Variants in SETD2 observed in about 807,000 individuals in gnomAD.
The protein encoded by SETD2 is SET domain containing 2, histone lysine methyltransferase, also known as histone-lysine N-methyltransferase SETD2.
A neutral mutation model predicts 242.1 loss-of-function variants in SETD2; 31 were observed. The ratio of observed to expected loss-of-function variants is 0.13; its 90% CI spans 0.10 to 0.17. The LOEUF (loss-of-function observed/expected upper bound fraction) is 0.17, where lower values mean the gene tolerates loss of function less well. Among genes scored for constraint, SETD2 ranks in the 10% least tolerant of loss-of-function variants. The pLI is 1.00. For synonymous variants in SETD2, 1,006 were observed against 1,066.5 expected, an observed-to-expected ratio of 0.94 and a Z score of 1.11; for missense variants, 2,481 against 3,046.3, an observed-to-expected ratio of 0.81 and a Z score of 4.37.
At chr3:47,116,869 G>T in intron 3 of SETD2, 115 bp from the exon 4 acceptor site, 2 of 734,950 alleles carry the variant, frequency 2.7e-6, no homozygotes, top group East Asian at 3.0e-5. Context: ...TTTTAAACAG[G>T]GTCTTGTTCT....
intron 12 of SETD2, among the ~76,000 whole-genome samples, chr3:47,072,878 C>T (rs1246473594): frequency 1.4e-5 from 2 of 147,706 alleles, no homozygotes; most frequent in African/African-American, 5.0e-5. Flanking sequence ...CCCTGGGAGG[C>T]GGAGCTTGCA....
chr3:47,094,255 A>G (rs1293168939), intron 9 of SETD2, among the ~76,000 whole-genome samples: 1 of 152,230 alleles, frequency 6.6e-6, no homozygotes, highest in East Asian at 1.9e-4. Flanking sequence ...TCAAGTAAGT[A>G]AGTACTTAAG....
At chr3:47,124,942 T>C (rs2106733484) in intron 2 of SETD2, among the ~76,000 whole-genome samples, 1 of 152,306 alleles carries the variant, frequency 6.6e-6, no homozygotes, top group Non-Finnish European at 1.5e-5. Context: ...CAATATGGTT[T>C]GTTCTTGTGT....
At position 47,083,786 on chromosome 3, in the gene SETD2, C is replaced by T. The variant is rs950433324; in HGVS notation, c.5994G>A (p.Gln1998=). The T allele has an allele frequency of 1.9e-6, 3 of 1,614,014 alleles. No homozygotes were observed. The highest frequency in any genetic ancestry group is 2.7e-5 in the African/African-American group (2 of 74,930). The change falls in exon 12 of 21, where the codon CAG becomes CAA. Residue 1998 remains glutamine, a synonymous_variant. Coordinates refer to ENST00000409792, the MANE Select transcript of SETD2 (RefSeq NM_014159.7). ...CACTTATATCCACTGTTTTATCTGG[C>T]TGTTCTTGGCTCCTTTCACTCTCCA... is the stretch of plus-strand genomic sequence containing the variant. ...SDVESERSQE[Q]PDKTVDISDL...
At chr3:47,130,495 G>A (rs2043452186) in intron 1 of SETD2, among the ~76,000 whole-genome samples, 1 of 152,178 alleles carries the variant, frequency 6.6e-6, no homozygotes, top group Non-Finnish European at 1.5e-5. Flanking sequence ...CCTTTTTGAA[G>A]AAATTAATAC....
Position 47,122,790 on chromosome 3 carries a change from C to A in SETD2, c.1846G>T (p.Ala616Ser), listed in dbSNP as rs747391146. The change falls in exon 3 of 21, where the codon GCT becomes TCT. Residue 616 changes from alanine to serine, a missense_variant. Physicochemically the swap from Ala to Ser is moderately conservative, Grantham distance 99. Transcript: ENST00000409792. ...GAATCATTTAATCGATTTGATGGAG[C>A]TGGAGACCCAGCCTTTTCTCTTTCA... ...NPEREKAGSP[A>S]PSNRLNDSPT... is the part of the protein sequence containing the mutation. The A allele has an allele frequency of 1.2e-6, 2 of 1,612,812 alleles. No homozygotes were observed. The highest frequency in any genetic ancestry group is 1.7e-6 in the Non-Finnish European group (2 of 1,179,708).
intron 18 of SETD2, among the ~76,000 whole-genome samples, chr3:47,025,842 C>A (rs954004650): frequency 6.6e-6 from 1 of 152,146 alleles, no homozygotes; most frequent in African/African-American, 2.4e-5. Flanking sequence ...GACCTAAAAC[C>A]ATAAAAAGCC....
At chr3:47,099,272 C>T (rs1257175485) in intron 8 of SETD2, among the ~76,000 whole-genome samples, 4 of 152,124 alleles carry the variant, frequency 2.6e-5, no homozygotes, top group African/African-American at 4.8e-5. Context: ...AACTCTGCAG[C>T]TGTGTGCTTT....
chr3:47,129,004 G>A (rs1012580063), intron 1 of SETD2, among the ~76,000 whole-genome samples: 5 of 152,100 alleles, frequency 3.3e-5, no homozygotes, highest in South Asian at 2.1e-4. Context: ...TTAAGCCTCA[G>A]CAGTTCTATT....
intron 18 of SETD2, 108 bp from the exon 19 acceptor site, chr3:47,019,948 C>A: frequency 1.1e-6 from 1 of 927,294 alleles, no homozygotes; most frequent in South Asian, 1.4e-5. Context: ...ATACCTGATT[C>A]TTGGTATTAG....
rs143664439 is a variant in SETD2 at position 47,021,475 on chromosome 3, C to T, written c.7351-1635G>A. 2.2e-3 allele frequency among the ~76,000 whole-genome samples: 342 copies of T among 152,062 alleles called. 2 individuals are homozygous for T. Among genetic ancestry groups the T allele is most frequent in the African/African-American group, 5.5e-3 (229 of 41,486 alleles). The stretch of plus-strand genomic sequence containing the variant: ...TTAATCCCTGACTTGATGAGGTTGG[C>T]GGGGGATTGGTGGGGGGTGGCCTTT... On this transcript the variant is annotated intron_variant, in intron 18 of 20. Coordinates refer to ENST00000409792, the MANE Select transcript of SETD2 (RefSeq NM_014159.7).
At chr3:47,162,267 T>C (rs1697510402) in intron 1 of SETD2, among the ~76,000 whole-genome samples, 2 of 152,192 alleles carry the variant, frequency 1.3e-5, no homozygotes, top group Non-Finnish European at 2.9e-5. Context: ...TAAGCATTTA[T>C]TGAATCGTGA....
At chr3:47,049,333 A>G (rs1246900170) in intron 15 of SETD2, among the ~76,000 whole-genome samples, 1 of 116,902 alleles carries the variant, frequency 8.6e-6, no homozygotes, top group African/African-American at 4.2e-5. Flanking sequence ...ATATATATAT[A>G]TATATATATA....
At chr3:47,092,138 C>T (rs2107660833) in intron 9 of SETD2, among the ~76,000 whole-genome samples, 1 of 152,124 alleles carries the variant, frequency 6.6e-6, no homozygotes, top group African/African-American at 2.4e-5. Context: ...GCAGAAACTG[C>T]AGTATAAATT....
intron 1 of SETD2, among the ~76,000 whole-genome samples, chr3:47,156,026 G>A (rs1247961742): frequency 6.6e-6 from 1 of 152,060 alleles, no homozygotes; most frequent in Non-Finnish European, 1.5e-5. Context: ...ACTTTTTTAA[G>A]AAACTGAGCA....
chr3:47,040,928 G>A (rs1456848203), intron 17 of SETD2, among the ~76,000 whole-genome samples: 1 of 152,102 alleles, frequency 6.6e-6, no homozygotes, highest in Non-Finnish European at 1.5e-5. Context: ...ACAAACTATT[G>A]TTTAATGGTA....
At position 47,083,906 on chromosome 3, in the gene SETD2, A is replaced by G; in HGVS notation, c.5874T>C (p.Ala1958=). ...CGTTGCTCTCTTTGGGCTCTATTTC[A>G]GCGTCAGCTTCTGGTTCAGATGTAG... ...KLPTSEPEAD[A]EIEPKESNGT... The change falls in exon 12 of 21, where the codon GCT becomes GCC. Residue 1958 remains alanine (A), a synonymous_variant. Coordinates refer to ENST00000409792, the MANE Select transcript of SETD2 (RefSeq NM_014159.7). The G allele has an allele frequency of 6.2e-7, 1 of 1,614,132 alleles. No individual in the cohort carries two copies. Among genetic ancestry groups the G allele is most frequent in the Non-Finnish European group, 8.5e-7 (1 of 1,180,012 alleles).
chr3:47,119,053 G>A (rs1003826106), intron 3 of SETD2, among the ~76,000 whole-genome samples: 26 of 152,100 alleles, frequency 1.7e-4, no homozygotes, highest in African/African-American at 6.3e-4. Context: ...ATACACAGAG[G>A]AAAATTTGAT....
intron 14 of SETD2, among the ~76,000 whole-genome samples, chr3:47,058,962 T>TTTGTTG (rs545561796): frequency 0.03 from 4,507 of 151,070 alleles, 208 homozygotes; most frequent in East Asian, 0.13. Context: ...GCCTGGCTAA[T>TTTGTTG]TTGTTGTTGT....
Sources: allele counts gnomAD v4.1 joint callset (sites outside exome capture counted in the v4.1 genomes callset), GRCh38; gene constraint gnomAD v4.1.1; transcripts MANE v1.5; gene names NCBI Gene and HGNC (gene_info 2026-07-23, HGNC 2026-07-21).